Variants in SCHIP1 observed in about 807,000 individuals in gnomAD.
SCHIP1 encodes schwannomin interacting protein 1, also known as schwannomin-interacting protein 1.
SCHIP1 carries 8 observed loss-of-function variants against 29.7 expected under a neutral mutation model. That is an observed-to-expected ratio of 0.27 (90% CI 0.16 to 0.49). The LOEUF (loss-of-function observed/expected upper bound fraction) is 0.49. Ranked by LOEUF, SCHIP1 falls within the 20% of genes least tolerant of loss-of-function variation. The pLI, the probability that SCHIP1 is intolerant of heterozygous loss-of-function variation, is 0.99. For missense variants in SCHIP1, 193 were observed against 294.6 expected (o/e 0.66, Z 2.52); for synonymous variants, 76 against 94.9 (o/e 0.80, Z 1.16).
chr3:159,291,771 G>A, the SCHIP1 span, among the ~76,000 whole-genome samples: 1 of 152,040 alleles, frequency 6.6e-6, no homozygotes, highest in Admixed American at 6.5e-5. Flanking sequence ...AGGAAATATG[G>A]CAGGTGAAGG....
the SCHIP1 span, among the ~76,000 whole-genome samples, chr3:159,657,686 T>C: frequency 6.6e-6 from 1 of 152,244 alleles, no homozygotes; most frequent in Non-Finnish European, 1.5e-5. Context: ...AAAAGAGATG[T>C]TAGCCTCCTG....
chr3:159,285,789 C>T, the SCHIP1 span, among the ~76,000 whole-genome samples: 3 of 152,052 alleles, frequency 2.0e-5, no homozygotes, highest in Non-Finnish European at 4.4e-5. Context: ...TTCACTCATT[C>T]AATAAACATT....
At chr3:159,328,154 T>G in the SCHIP1 span, among the ~76,000 whole-genome samples, 1 of 152,042 alleles carries the variant, frequency 6.6e-6, no homozygotes, top group African/African-American at 2.4e-5. Context: ...AATTAAAAAC[T>G]CAATTCCTCA....
chr3:159,788,113 T>C, the SCHIP1 span, among the ~76,000 whole-genome samples: 3 of 152,328 alleles, frequency 2.0e-5, no homozygotes, highest in East Asian at 5.8e-4. Context: ...TAAGCTCTGC[T>C]GCTGTTTTGA....
At chr3:159,388,979 A>C in the SCHIP1 span, among the ~76,000 whole-genome samples, 1 of 152,098 alleles carries the variant, frequency 6.6e-6, no homozygotes, top group Non-Finnish European at 1.5e-5. Context: ...TCAGGCTAGG[A>C]AATGTCTTTC....
the SCHIP1 span, among the ~76,000 whole-genome samples, chr3:159,467,894 A>G: frequency 6.6e-6 from 1 of 152,112 alleles, no homozygotes; most frequent in African/African-American, 2.4e-5. Flanking sequence ...AATCCCTTCT[A>G]TGCAATTCTC....
At chr3:159,436,669 G>A in the SCHIP1 span, among the ~76,000 whole-genome samples, 4 of 152,114 alleles carry the variant, frequency 2.6e-5, no homozygotes, top group Non-Finnish European at 5.9e-5. Context: ...ATAATGAAAG[G>A]TCAGGACCCA....
chr3:159,686,334 A>G, the SCHIP1 span, among the ~76,000 whole-genome samples: 1 of 152,200 alleles, frequency 6.6e-6, no homozygotes, highest in African/African-American at 2.4e-5. Context: ...TATTATACCT[A>G]ATTCTCTAAA....
At chr3:159,627,881 G>A in the SCHIP1 span, among the ~76,000 whole-genome samples, 5 of 152,220 alleles carry the variant, frequency 3.3e-5, no homozygotes, top group Admixed American at 1.3e-4. Flanking sequence ...TTGGACGGAA[G>A]GCAGCTGCTG....
At chr3:159,391,549 C>G in the SCHIP1 span, among the ~76,000 whole-genome samples, 1 of 152,116 alleles carries the variant, frequency 6.6e-6, no homozygotes, top group Non-Finnish European at 1.5e-5. Flanking sequence ...ACCATTCCTG[C>G]TACTCAATGT....
the SCHIP1 span, among the ~76,000 whole-genome samples, chr3:159,796,852 G>A: frequency 1.7e-3 from 263 of 152,252 alleles, 1 homozygote; most frequent in African/African-American, 6.1e-3. Context: ...TGACAGGAAG[G>A]GAAATGACTG....
chr3:159,337,992 A>T, the SCHIP1 span, among the ~76,000 whole-genome samples: 1 of 152,182 alleles, frequency 6.6e-6, no homozygotes, highest in Non-Finnish European at 1.5e-5. Flanking sequence ...CTTCAATCTT[A>T]ACTTCATTAT....
chr3:159,408,869 A>T, the SCHIP1 span, among the ~76,000 whole-genome samples: 1 of 152,156 alleles, frequency 6.6e-6, no homozygotes, highest in Non-Finnish European at 1.5e-5. Context: ...CCTGATAAAC[A>T]TTGATGGAAA....
At chr3:159,359,549 T>C in the SCHIP1 span, among the ~76,000 whole-genome samples, 2 of 152,204 alleles carry the variant, frequency 1.3e-5, no homozygotes, top group Non-Finnish European at 2.9e-5. Context: ...AGATACATGT[T>C]AAAGATAAGT....
the SCHIP1 span, among the ~76,000 whole-genome samples, chr3:159,340,640 TA>T: frequency 6.6e-6 from 1 of 152,192 alleles, no homozygotes; most frequent in African/African-American, 2.4e-5. Context: ...ACCTTTATTC[TA>T]AATCTTTCAG....
chr3:159,656,050 T>A, the SCHIP1 span, among the ~76,000 whole-genome samples: 1 of 152,158 alleles, frequency 6.6e-6, no homozygotes, highest in Middle Eastern at 3.2e-3. Flanking sequence ...CAAAAAGCTG[T>A]GGATGGCCTG....
chr3:159,507,128 C>G, the SCHIP1 span, among the ~76,000 whole-genome samples: 2 of 152,126 alleles, frequency 1.3e-5, no homozygotes, highest in Non-Finnish European at 2.9e-5. Flanking sequence ...TTGTTTGTAT[C>G]CTCTTTTATT....
At chr3:159,283,096 G>A in the SCHIP1 span, among the ~76,000 whole-genome samples, 2 of 152,240 alleles carry the variant, frequency 1.3e-5, no homozygotes, top group African/African-American at 4.8e-5. Flanking sequence ...ACCTAAATAT[G>A]CATAAGAACA....
At chr3:159,385,581 A>AC in the SCHIP1 span, among the ~76,000 whole-genome samples, 1 of 97,298 alleles carries the variant, frequency 1.0e-5, no homozygotes, top group African/African-American at 4.0e-5. Flanking sequence ...CAAACAAAAA[A>AC]AAAAAAACCA....
Sources: gnomAD v4.1 joint callset for allele counts (sites outside exome capture counted in the v4.1 genomes callset) on GRCh38, gnomAD v4.1.1 for gene constraint, MANE v1.5 for transcripts, NCBI Gene and HGNC (gene_info 2026-07-23, HGNC 2026-07-21) for gene names.